The following CSMD1 variants were observed in gnomAD, a reference collection of about 807,000 sequenced individuals.
CSMD1 encodes CUB and sushi domain-containing protein 1.
A neutral mutation model predicts 417.5 loss-of-function variants in CSMD1; 213 were observed. The ratio of observed to expected loss-of-function variants is 0.51; its 90% confidence interval spans 0.46 to 0.57. The LOEUF (loss-of-function observed/expected upper bound fraction) is 0.57, where lower values mean the gene tolerates loss of function less well. CSMD1 is among the 20% of genes least tolerant of loss of function. The pLI, the probability that CSMD1 is intolerant of heterozygous loss-of-function variation, is 0.00. For synonymous variants in CSMD1, 2,862 were observed against 1,736.8 expected (o/e 1.65, Z -16.11); for missense variants, 6,923 against 4,529.7 (o/e 1.53, Z -15.17).
intron 3 of CSMD1, among the ~76,000 whole-genome samples, chr8:4,168,767 T>G (rs767285904): frequency 6.6e-6 from 1 of 152,198 alleles, no homozygotes; most frequent in Non-Finnish European, 1.5e-5. Flanking sequence ...TTTATTTCTT[T>G]TCCTTACAAT....
At chr8:3,978,133 T>C (rs184671279) in intron 5 of CSMD1, among the ~76,000 whole-genome samples, 1 of 152,286 alleles carries the variant, frequency 6.6e-6, no homozygotes, top group African/African-American at 2.4e-5. Flanking sequence ...AAGCAAGCCC[T>C]GCCCTCAAGA....
intron 1 of CSMD1, among the ~76,000 whole-genome samples, chr8:4,912,503 G>A (rs1341372024): frequency 2.6e-5 from 4 of 152,102 alleles, no homozygotes; most frequent in Non-Finnish European, 4.4e-5. Flanking sequence ...AAGTGCCAGA[G>A]GCTTCATGCC....
At chr8:3,145,277 G>T (rs549054956) in intron 40 of CSMD1, among the ~76,000 whole-genome samples, 1 of 152,194 alleles carries the variant, frequency 6.6e-6, no homozygotes, top group Non-Finnish European at 1.5e-5. Flanking sequence ...ACCGGGGCCA[G>T]ATTGGAACAC....
chr8:4,466,251 C>A (rs1285556136), intron 2 of CSMD1, among the ~76,000 whole-genome samples: 4 of 151,836 alleles, frequency 2.6e-5, no homozygotes, highest in Non-Finnish European at 4.4e-5. Flanking sequence ...CCCAGATAAC[C>A]ACAGATCAGT....
chr8:4,209,342 C>G (rs1038994520), intron 3 of CSMD1, among the ~76,000 whole-genome samples: 1 of 152,172 alleles, frequency 6.6e-6, no homozygotes, highest in Non-Finnish European at 1.5e-5. Flanking sequence ...CTCACAGGGA[C>G]AGAAAGAATT....
chr8:3,698,076 A>G (rs2251848), intron 7 of CSMD1, among the ~76,000 whole-genome samples: 19,519 of 152,186 alleles, frequency 0.13, 1,590 homozygotes, highest in African/African-American at 0.24. Flanking sequence ...ATTATATGAT[A>G]TAAACGGTAT....
intron 1 of CSMD1, among the ~76,000 whole-genome samples, chr8:4,945,840 C>A (rs893435185): frequency 6.6e-6 from 1 of 152,102 alleles, no homozygotes; most frequent in Non-Finnish European, 1.5e-5. Flanking sequence ...CAAGGTCACG[C>A]CTTGCCACTG....
chr8:4,148,568 C>A (rs1344591518), intron 3 of CSMD1, among the ~76,000 whole-genome samples: 1 of 151,908 alleles, frequency 6.6e-6, no homozygotes, highest in East Asian at 1.9e-4. Context: ...CTGAGACATT[C>A]AAGCTCTAGG....
intron 3 of CSMD1, among the ~76,000 whole-genome samples, chr8:4,092,733 C>T (rs1318483631): frequency 6.6e-6 from 1 of 151,992 alleles, no homozygotes; most frequent in Non-Finnish European, 1.5e-5. Flanking sequence ...AACTTTTTAA[C>T]TTCCACATTT....
chr8:4,966,609 G>C (rs1441445409), intron 1 of CSMD1, among the ~76,000 whole-genome samples: 4 of 152,138 alleles, frequency 2.6e-5, no homozygotes, highest in Non-Finnish European at 4.4e-5. Flanking sequence ...GAGAGGTACT[G>C]TCTTAGGTAG....
intron 12 of CSMD1, among the ~76,000 whole-genome samples, chr8:3,457,973 G>A (rs1816263130): frequency 2.0e-5 from 3 of 152,230 alleles, no homozygotes; most frequent in Admixed American, 6.5e-5. Flanking sequence ...TCACCTAGAA[G>A]TACACCTTGT....
intron 3 of CSMD1, among the ~76,000 whole-genome samples, chr8:4,193,491 G>A (rs1799154286): frequency 6.6e-6 from 1 of 151,864 alleles, no homozygotes; most frequent in African/African-American, 2.4e-5. Flanking sequence ...TAGGGAAGGT[G>A]ACGATGGCTT....
intron 20 of CSMD1, among the ~76,000 whole-genome samples, chr8:3,361,174 T>C (rs1297633490): frequency 6.6e-6 from 1 of 152,324 alleles, no homozygotes; most frequent in East Asian, 1.9e-4. Flanking sequence ...CAAACATTAA[T>C]TGACAACCTA....
chr8:4,104,221 G>A (rs540817585), intron 3 of CSMD1, among the ~76,000 whole-genome samples: 1 of 152,216 alleles, frequency 6.6e-6, no homozygotes, highest in African/African-American at 2.4e-5. Context: ...ATGTACGTGA[G>A]TGCGGATACA....
At chr8:4,899,197 A>C (rs1276072578) in intron 1 of CSMD1, among the ~76,000 whole-genome samples, 1 of 152,232 alleles carries the variant, frequency 6.6e-6, no homozygotes, top group Non-Finnish European at 1.5e-5. Context: ...TATATGTCCT[A>C]TCGGAAGAAA....
intron 7 of CSMD1, among the ~76,000 whole-genome samples, chr8:3,677,800 A>G (rs1478788910): frequency 6.6e-6 from 1 of 152,190 alleles, no homozygotes; most frequent in Admixed American, 6.6e-5. Context: ...ATTTTTTAAA[A>G]CCAGTAGATG....
rs139319945 is a variant in CSMD1, at chr8:4,340,846, A to C, written c.415+79107T>G. 1.6e-3 allele frequency among the ~76,000 whole-genome samples: 250 copies of C among 152,198 alleles called. 6 individuals are homozygous for C. The East Asian group carries it at 0.045, about 27-fold the overall frequency. On this transcript the variant is annotated intron_variant, in intron 3 of 69. Coordinates refer to ENST00000635120, the MANE Select transcript of CSMD1 (RefSeq NM_033225.6). ...CTAGAATCTCAATTATTTGGTTGCT[A>C]ATTACACTGTACTATTTTTGATATT...
At chr8:4,697,599 G>C (rs539502510) in intron 1 of CSMD1, among the ~76,000 whole-genome samples, 4 of 152,142 alleles carry the variant, frequency 2.6e-5, no homozygotes, top group East Asian at 3.8e-4. Context: ...CTAGAGTTCA[G>C]TCAATAAGTT....
At chr8:4,164,980 A>G (rs916033164) in intron 3 of CSMD1, among the ~76,000 whole-genome samples, 1 of 152,084 alleles carries the variant, frequency 6.6e-6, no homozygotes, top group Non-Finnish European at 1.5e-5. Context: ...AATTTTTATA[A>G]TTATTGTAGA....
Sources: gnomAD v4.1 joint callset for allele counts (sites outside exome capture counted in the v4.1 genomes callset) on GRCh38, gnomAD v4.1.1 for gene constraint, MANE v1.5 for transcripts, NCBI Gene and HGNC (gene_info 2026-07-23, HGNC 2026-07-21) for gene names.